The following SLC38A4 variants were observed in gnomAD, a reference collection of about 807,000 sequenced individuals.
SLC38A4 encodes the protein solute carrier family 38 member 4, also known as sodium-coupled neutral amino acid transporter 4.
Under a neutral mutation model 63.1 loss-of-function variants are expected in SLC38A4, and 20 were observed. That is an observed-to-expected ratio of 0.32 (90% CI 0.22 to 0.46). The LOEUF is 0.46. Among genes scored for constraint, SLC38A4 ranks in the 20% least tolerant of loss-of-function variants. SLC38A4 has a pLI of 1.00. For synonymous variants in SLC38A4, 230 were observed against 225.5 expected, an observed-to-expected ratio of 1.02 and a Z score of -0.18; for missense variants, 526 against 663.6, an observed-to-expected ratio of 0.79 and a Z score of 2.28.
chr12:46,801,813 TTGGTCTATAGCA>T (rs933034413), intron 2 of SLC38A4, among the ~76,000 whole-genome samples: 16 of 152,212 alleles, frequency 1.1e-4, no homozygotes, highest in Admixed American at 9.2e-4. Flanking sequence ...AGAGCGCTTG[TTGGTCTATAGCA>T]TGAGTTCTCA....
At chr12:46,830,601 G>C (rs1278616544), upstream of SLC38A4, among the ~76,000 whole-genome samples, 1 of 152,142 alleles carries the variant, frequency 6.6e-6, no homozygotes, top group African/African-American at 2.4e-5. Flanking sequence ...TGAAGCTCTG[G>C]CCTCTTTCCG....
Position 46,785,098 on chromosome 12 carries a change from G to A in SLC38A4, c.400+6C>T. Reference sequence around the variant, plus strand: ...TAGAATGTGTTGGACTCAAGTGGTAGCATACCTCCTTCCTTGGCTGTTTTT... The same window carrying A: ...TAGAATGTGTTGGACTCAAGTGGTAACATACCTCCTTCCTTGGCTGTTTTT... On this transcript the variant is annotated splice_donor_region_variant and intron_variant, in intron 6 of 16. Transcript: ENST00000266579. 2 of 1,605,546 alleles carry A rather than the reference G, an allele frequency of 1.2e-6. No homozygotes were observed. Among genetic ancestry groups the A allele is most frequent in the Middle Eastern group, 1.7e-4 (1 of 6,036 alleles).
In SLC38A4 at chr12:46,804,186, A is replaced by G. The variant is rs938653093; in HGVS notation, c.-304-392T>C. 2.4e-4 allele frequency among the ~76,000 whole-genome samples: 36 copies of G among 152,168 alleles called. 1 individual carries two copies. The highest frequency in any genetic ancestry group is 1.0e-3 in the Admixed American group (16 of 15,260). The stretch of plus-strand genomic sequence containing the variant: ...AGAATGACAAATACTTCCAAACGGT[A>G]CAGTTACTCAAGATGCCATGAAGTT... On this transcript the variant is annotated intron_variant, in intron 1 of 16. Coordinates refer to ENST00000266579, the MANE Select transcript of SLC38A4 (RefSeq NM_018018.5).
rs1938340290 is a variant in SLC38A4 at position 46,768,336 on chromosome 12, T to C, written c.1516A>G (p.Thr506Ala). Reference protein sequence around the residue: ...VFYLKLVKKETFRSPQKVGAL... With the variant: ...VFYLKLVKKEAFRSPQKVGAL... Reference sequence around the variant, plus strand: ...CCGACCTTTTGGGGTGACCTAAAAGTTTCTTTCTTGACAAGTTTAAGATAA... The same window carrying C: ...CCGACCTTTTGGGGTGACCTAAAAGCTTCTTTCTTGACAAGTTTAAGATAA... The change falls in exon 16 of 17, where the codon ACT (threonine) becomes GCT (alanine). Residue 506 changes from threonine to alanine, a missense_variant. Coordinates refer to ENST00000266579, the MANE Select transcript of SLC38A4 (RefSeq NM_018018.5). 1.2e-6 allele frequency: 2 copies of C among 1,611,210 alleles called. No individual in the cohort carries two copies. The highest frequency in any genetic ancestry group is 1.7e-6 in the Non-Finnish European group (2 of 1,178,408).
At chr12:46,792,809 C>G (rs1938918212) in intron 3 of SLC38A4, 144 bp downstream of exon 3, 1 of 664,674 alleles carries the variant, frequency 1.5e-6, no homozygotes, top group Admixed American at 2.2e-5. Flanking sequence ...ATTTCAGGAC[C>G]AGGGAATTGA....
intron 1 of SLC38A4, chr12:46,824,347 G>C (rs1297843322): frequency 2.0e-5 from 3 of 152,088 alleles, no homozygotes; most frequent in Non-Finnish European, 2.9e-5. Context: ...CAATCCTCCA[G>C]TGTTTTAAAT....
rs550780685 is a variant in SLC38A4, at chr12:46,819,003, G to T, written c.-305+6900C>A. On this transcript the variant is annotated intron_variant, in intron 1 of 16. Coordinates refer to ENST00000266579, the MANE Select transcript of SLC38A4 (RefSeq NM_018018.5). ...CTGGAGGATCCTCAGGGCAACAGAA[G>T]AAGAAATGACAATTTGCAATTTAAA... 5.9e-5 allele frequency among the ~76,000 whole-genome samples: 9 copies of T among 151,724 alleles called. No individual in the cohort carries two copies. The South Asian group carries it at 1.9e-3, about 32-fold the overall frequency.
intron 3 of SLC38A4, among the ~76,000 whole-genome samples, chr12:46,788,908 A>G (rs543261326): frequency 2.6e-5 from 4 of 152,182 alleles, no homozygotes; most frequent in African/African-American, 9.6e-5. Flanking sequence ...TATGCAAGAG[A>G]CTACAACTAA....
At chr12:46,795,066 C>A (rs1380312269) in intron 2 of SLC38A4, among the ~76,000 whole-genome samples, 1 of 151,902 alleles carries the variant, frequency 6.6e-6, no homozygotes, top group Non-Finnish European at 1.5e-5. Flanking sequence ...CACTTCCCAG[C>A]AGCAACCACT....
rs751033894 is a variant in SLC38A4 at position 46,769,299 on chromosome 12, T to C, written c.1429A>G (p.Ile477Val). Reference protein sequence around the residue: ...LVILVPTIKYIFGFIGASSAT... With the variant: ...LVILVPTIKYVFGFIGASSAT... ...TGAAACTCACCTATGAATCCGAAGATGTATTTTATAGTTGGCACAAGGATG... is the reference window on the plus strand; with the variant it reads ...TGAAACTCACCTATGAATCCGAAGACGTATTTTATAGTTGGCACAAGGATG... The change falls in exon 15 of 17, where the codon ATC becomes GTC. Residue 477 changes from isoleucine (I) to valine (V), a missense_variant. Coordinates refer to ENST00000266579, the MANE Select transcript of SLC38A4 (RefSeq NM_018018.5). The C allele has an allele frequency of 6.2e-7, 1 of 1,613,112 alleles. No individual in the cohort carries two copies. The highest frequency in any genetic ancestry group is 1.1e-5 in the South Asian group (1 of 91,034).
intron 1 of SLC38A4, among the ~76,000 whole-genome samples, chr12:46,810,256 GA>G (rs1276403882): frequency 6.6e-6 from 1 of 151,950 alleles, no homozygotes; most frequent in African/African-American, 2.4e-5. Context: ...TATAAATGGT[GA>G]AATAGAAAAT....
chr12:46,826,780 T>G (rs898732510), upstream of SLC38A4, among the ~76,000 whole-genome samples: 7 of 152,204 alleles, frequency 4.6e-5, no homozygotes, highest in African/African-American at 1.4e-4. Flanking sequence ...CCTACCAAGC[T>G]TATACTCTTA....
chr12:46,800,832 A>T (rs564167278), intron 2 of SLC38A4, among the ~76,000 whole-genome samples: 123 of 152,278 alleles, frequency 8.1e-4, no homozygotes, highest in Middle Eastern at 3.4e-3. Flanking sequence ...TCTGTGTTAT[A>T]GTAATAGATA....
upstream of SLC38A4, among the ~76,000 whole-genome samples, chr12:46,829,625 C>G (rs1242791663): frequency 6.6e-6 from 1 of 152,136 alleles, no homozygotes; most frequent in African/African-American, 2.4e-5. Flanking sequence ...CTATTCCTTT[C>G]TCAAATGTCA....
intron 2 of SLC38A4, among the ~76,000 whole-genome samples, chr12:46,799,928 A>C (rs539923733): frequency 6.6e-6 from 1 of 152,284 alleles, no homozygotes; most frequent in South Asian, 2.1e-4. Flanking sequence ...ATTTTGAGCA[A>C]ACTCTTAAAG....
chr12:46,793,343 C>A (rs1169850831), intron 2 of SLC38A4, among the ~76,000 whole-genome samples, 160 bp from the exon 3 acceptor site: 1 of 151,734 alleles, frequency 6.6e-6, no homozygotes, highest in Non-Finnish European at 1.5e-5. Flanking sequence ...TTACCCAATA[C>A]AAGAAAGGAA....
chr12:46,828,467 G>A (rs1017579227), upstream of SLC38A4, among the ~76,000 whole-genome samples: 12 of 151,936 alleles, frequency 7.9e-5, no homozygotes, highest in African/African-American at 2.4e-4. Context: ...GACTACAGGC[G>A]CACGTCACCA....
At chr12:46,776,023 G>GA (rs1435603912) in intron 13 of SLC38A4, among the ~76,000 whole-genome samples, 1 of 151,476 alleles carries the variant, frequency 6.6e-6, no homozygotes, top group Non-Finnish European at 1.5e-5. Flanking sequence ...TAGTCAAATA[G>GA]AAAAAAAACC....
chr12:46,796,477 T>A (rs1387604377), intron 2 of SLC38A4, among the ~76,000 whole-genome samples: 3 of 152,134 alleles, frequency 2.0e-5, no homozygotes, highest in Non-Finnish European at 2.9e-5. Flanking sequence ...ACAGAGCGCA[T>A]CGATTAGCTT....
Sources: gnomAD v4.1 joint callset for allele counts (sites outside exome capture counted in the v4.1 genomes callset) on GRCh38, gnomAD v4.1.1 for gene constraint, MANE v1.5 for transcripts, NCBI Gene and HGNC (gene_info 2026-07-23, HGNC 2026-07-21) for gene names.